The following ADGRE3 variants were observed in gnomAD, a reference collection of about 807,000 sequenced individuals.
ADGRE3 encodes the protein adhesion G protein-coupled receptor E3.
In ADGRE3, 88 loss-of-function variants were observed where a neutral mutation model predicts 80.1. The observed-to-expected ratio is 1.10, with a 90% CI of 0.93 to 1.31. The LOEUF is 1.31. Ranked by LOEUF, ADGRE3 falls within the 40% of genes most tolerant of loss-of-function variation. ADGRE3 has a pLI of 0.00. For missense variants in ADGRE3, 715 were observed against 776.5 expected (o/e 0.92, Z 0.94); for synonymous variants, 281 against 294.8 (o/e 0.95, Z 0.48).
At chr19:14,653,225 G>C (rs1599639046) in intron 6 of ADGRE3, among the ~76,000 whole-genome samples, 3 of 152,094 alleles carry the variant, frequency 2.0e-5, no homozygotes, top group African/African-American at 7.2e-5. Flanking sequence ...TGATCCGCCT[G>C]CCTTAGCCTC....
At chr19:14,661,502 A>T (rs1380697587) in intron 4 of ADGRE3, among the ~76,000 whole-genome samples, 1 of 152,186 alleles carries the variant, frequency 6.6e-6, no homozygotes, top group Non-Finnish European at 1.5e-5. Flanking sequence ...AATTCAAAGA[A>T]TGTGGTCTCA....
At chr19:14,657,737 A>G (rs954617242) in intron 5 of ADGRE3, among the ~76,000 whole-genome samples, 17 of 53,246 alleles carry the variant, frequency 3.2e-4, no homozygotes, top group Non-Finnish European at 5.4e-4. Context: ...ATACATATAT[A>G]TATATATATT....
At chr19:14,606,315 C>T in the ADGRE3 span, among the ~76,000 whole-genome samples, 1 of 149,444 alleles carries the variant, frequency 6.7e-6, no homozygotes, top group African/African-American at 2.5e-5. Context: ...TTGGGACATG[C>T]AGTGAGCCAT....
chr19:14,651,331 C>G, intron 6 of ADGRE3, 127 bp from the exon 7 acceptor site: 1 of 1,053,870 alleles, frequency 9.5e-7, no homozygotes, highest in Non-Finnish European at 1.4e-6. Flanking sequence ...AGAAGGATTG[C>G]TTGGGCCCAG....
chr19:14,648,345 G>T (rs765724985), intron 7 of ADGRE3, among the ~76,000 whole-genome samples: 25 of 152,096 alleles, frequency 1.6e-4, no homozygotes, highest in Non-Finnish European at 1.0e-4. Context: ...CTGCACAGAG[G>T]ACAGGCTGGA....
intron 14 of ADGRE3, among the ~76,000 whole-genome samples, chr19:14,629,816 AT>A (rs199748939): frequency 1.1e-4 from 17 of 151,534 alleles, no homozygotes; most frequent in South Asian, 8.3e-4. Context: ...AAAAGGCATG[AT>A]TTTTTTTTGA....
intron 14 of ADGRE3, among the ~76,000 whole-genome samples, chr19:14,626,859 T>C (rs1043421916): frequency 2.6e-5 from 4 of 152,156 alleles, no homozygotes; most frequent in Admixed American, 1.3e-4. Flanking sequence ...CCATCAGTCA[T>C]GGGTTGATGG....
At chr19:14,663,004 A>T (rs1971995861) in intron 3 of ADGRE3, among the ~76,000 whole-genome samples, 1 of 150,130 alleles carries the variant, frequency 6.7e-6, no homozygotes, top group Non-Finnish European at 1.5e-5. Context: ...GGCTGCAGTG[A>T]GTGTTTTTAT....
At position 14,620,560 on chromosome 19, in the gene ADGRE3, ATATATATATTTTTTTTTTTTTT is replaced by A. The variant is rs1568471611; in HGVS notation, c.1921-1111_1921-1090del. ...TTTTATATATATATTATATATATAT[ATATATATATTTTTTTTTTTTTT>A]TTTTTTTTTTTTTTTGAGACAGGGT... On this transcript the variant is annotated intron_variant, in intron 15 of 15. Transcript: ENST00000253673. 8.4e-4 allele frequency among the ~76,000 whole-genome samples: 20 copies of A among 23,688 alleles called. No homozygotes were observed. In the East Asian group the frequency reaches 0.013, roughly 16 times the overall value. 15.5% of individuals were successfully genotyped at this position (23,688 alleles called of 152,430 possible).
intron 14 of ADGRE3, chr19:14,628,475 G>A: frequency 6.5e-6 from 1 of 154,094 alleles, no homozygotes; most frequent in Non-Finnish European, 1.4e-5. Flanking sequence ...TAATGATGAT[G>A]ATGACGATGA....
chr19:14,664,536 T>C (rs943291166), intron 2 of ADGRE3, among the ~76,000 whole-genome samples: 5 of 151,818 alleles, frequency 3.3e-5, no homozygotes, highest in African/African-American at 1.2e-4. Context: ...CAAGACACTA[T>C]TGCTATAAAA....
chr19:14,611,360 G>A, the ADGRE3 span, among the ~76,000 whole-genome samples: 1 of 147,782 alleles, frequency 6.8e-6, no homozygotes, highest in Admixed American at 7.0e-5. Flanking sequence ...TTGGCCCGTG[G>A]AACTTCTATC....
At chr19:14,603,672 G>T in the ADGRE3 span, among the ~76,000 whole-genome samples, 29,262 of 151,606 alleles carry the variant, frequency 0.19, 3,088 homozygotes, top group Non-Finnish European at 0.22. Context: ...CATCATGTTG[G>T]CCAGGCTGCT....
chr19:14,627,112 G>A (rs1222603050), intron 14 of ADGRE3, among the ~76,000 whole-genome samples: 1 of 152,114 alleles, frequency 6.6e-6, no homozygotes, highest in African/African-American at 2.4e-5. Context: ...GCTGGAGAGG[G>A]CTGTCCTGTG....
chr19:14,609,964 C>T, the ADGRE3 span: 68 of 884,896 alleles, frequency 7.7e-5, no homozygotes, highest in African/African-American at 1.1e-3. Flanking sequence ...TGGGTTTTGC[C>T]AAATGCGTAG....
chr19:14,655,007 G>A lies in ADGRE3; in HGVS notation c.552C>T (p.Val184=). Residue 184 remains valine, a synonymous_variant, in exon 6 of 16, where the codon GTC becomes GTT. Coordinates refer to ENST00000253673, the MANE Select transcript of ADGRE3 (RefSeq NM_032571.5). ...ETALKDPEQK[V]LKIQNDSVAI... ...CTACACTATCGTTTTGGATTTTCAG[G>A]ACTTTTTGTTCTGGATCTTTCAAGG... 6.2e-7 allele frequency: 1 copy of A among 1,613,834 alleles called. No homozygotes were observed. Among genetic ancestry groups the A allele is most frequent in the Non-Finnish European group, 8.5e-7 (1 of 1,179,936 alleles).
chr19:14,633,075 A>G, intron 12 of ADGRE3, 63 bp from the exon 13 acceptor site: 1 of 1,407,934 alleles, frequency 7.1e-7, no homozygotes, highest in Non-Finnish European at 1.0e-6. Flanking sequence ...TCCACTTTAA[A>G]TTGCACACAG....
chr19:14,640,255 T>C (rs1971212541), intron 10 of ADGRE3, among the ~76,000 whole-genome samples: 1 of 152,132 alleles, frequency 6.6e-6, no homozygotes, highest in Admixed American at 6.6e-5. Flanking sequence ...CCTCCTACCC[T>C]TGCTATGGGG....
rs181921684 is a variant in ADGRE3 at position 14,674,746 on chromosome 19, C to G, written c.25G>C (p.Gly9Arg). 70 of 1,613,836 alleles carry G rather than the reference C, an allele frequency of 4.3e-5. No individual in the cohort carries two copies. The East Asian group carries it at 1.4e-3, about 33-fold the overall frequency. MQGPLLLP[G>R]LCFLLSLFGA... ...CAGTCATTGTTACAGTCACACATACCTGGAAGAAGCAATGGTCCCTGCATT... is the reference window on the plus strand; with the variant it reads ...CAGTCATTGTTACAGTCACACATACGTGGAAGAAGCAATGGTCCCTGCATT... The change falls in exon 1 of 16, where the codon GGC (glycine) becomes CGC (arginine). Residue 9 changes from glycine to arginine, a missense_variant and splice_region_variant. Physicochemically the swap from Gly to Arg is moderately radical, Grantham distance 125. Coordinates refer to ENST00000253673, the MANE Select transcript of ADGRE3 (RefSeq NM_032571.5).
Sources: allele counts gnomAD v4.1 joint callset (sites outside exome capture counted in the v4.1 genomes callset), GRCh38; gene constraint gnomAD v4.1.1; transcripts MANE v1.5; gene names NCBI Gene and HGNC (gene_info 2026-07-23, HGNC 2026-07-21).